Variants in FGF1 observed in about 807,000 individuals in gnomAD.
FGF1 encodes the protein beta-endothelial cell growth factor.
A neutral mutation model predicts 13.4 loss-of-function variants in FGF1; 9 were observed. The observed-to-expected ratio is 0.67, with a 90% CI of 0.40 to 1.17. The LOEUF is 1.17. Ranked by LOEUF, FGF1 falls within the 50% of genes most tolerant of loss-of-function variation. FGF1 has a pLI of 0.01. For synonymous variants in FGF1, 93 were observed against 79.0 expected, an observed-to-expected ratio of 1.18 and a Z score of -0.94; for missense variants, 156 against 192.7, an observed-to-expected ratio of 0.81 and a Z score of 1.13.
At chr5:142,621,638 T>G (rs1411228984) in intron 1 of FGF1, among the ~76,000 whole-genome samples, 1 of 152,114 alleles carries the variant, frequency 6.6e-6, no homozygotes, top group Non-Finnish European at 1.5e-5. Flanking sequence ...GTAATTCCCA[T>G]CTATATCCCC....
intron 2 of FGF1, among the ~76,000 whole-genome samples, chr5:142,605,790 G>A (rs138264820): frequency 1.3e-5 from 2 of 152,322 alleles, no homozygotes; most frequent in East Asian, 1.9e-4. Flanking sequence ...TGGCAGGAAG[G>A]AGCAACACCC....
chr5:142,600,323 C>T (rs939052414), intron 3 of FGF1, among the ~76,000 whole-genome samples: 2 of 152,132 alleles, frequency 1.3e-5, no homozygotes, highest in African/African-American at 4.8e-5. Context: ...GATTGTGCCA[C>T]TGCACTCCAG....
chr5:142,660,392 C>T (rs1000999679), intron 1 of FGF1, among the ~76,000 whole-genome samples: 3 of 152,210 alleles, frequency 2.0e-5, no homozygotes, highest in Admixed American at 2.0e-4. Context: ...CAAGTTGGGG[C>T]CGCTGGTCTC....
At position 142,614,043 on chromosome 5, in the gene FGF1, G is replaced by T. The variant is rs1004435823; in HGVS notation, c.85C>A (p.Leu29Ile). The change falls in exon 2 of 4, where the codon CTC (leucine) becomes ATC (isoleucine). Residue 29 changes from leucine (L) to isoleucine (I), a missense_variant. Coordinates refer to ENST00000337706, the MANE Select transcript of FGF1 (RefSeq NM_000800.5). Reference protein sequence around the residue: ...PPGNYKKPKLLYCSNGGHFLR... With the variant: ...PPGNYKKPKLIYCSNGGHFLR... ...AAGTGGCCCCCGTTGCTACAGTAGA[G>T]GAGTTTGGGCTTCTTGTAATTCCCT... is the stretch of plus-strand genomic sequence containing the variant. 1.9e-6 allele frequency: 3 copies of T among 1,614,034 alleles called. No individual in the cohort carries two copies. The African/African-American group carries it at 4.0e-5, about 22-fold the overall frequency.
At chr5:142,669,498 A>G (rs1375607620) in intron 1 of FGF1, among the ~76,000 whole-genome samples, 1 of 152,098 alleles carries the variant, frequency 6.6e-6, no homozygotes, top group Non-Finnish European at 1.5e-5. Context: ...AGATGGCTCC[A>G]AAGACACTCC....
At chr5:142,643,908 G>A (rs998225921) in intron 1 of FGF1, among the ~76,000 whole-genome samples, 2 of 152,184 alleles carry the variant, frequency 1.3e-5, no homozygotes, top group African/African-American at 4.8e-5. Context: ...ATGCATGTAA[G>A]CTCATGTTAG....
intron 1 of FGF1, among the ~76,000 whole-genome samples, chr5:142,656,803 A>G (rs985999443): frequency 1.6e-4 from 25 of 152,324 alleles, no homozygotes; most frequent in African/African-American, 5.8e-4. Context: ...TCATATATCT[A>G]TGTGTAGACA....
chr5:142,592,653 G>A lies in FGF1; in HGVS notation c.*2637C>T. The A allele has an allele frequency of 2.6e-6, 1 of 390,890 alleles. No homozygotes were observed. The highest frequency in any genetic ancestry group is 4.5e-6 in the Non-Finnish European group (1 of 221,520). 24.2% of individuals were successfully genotyped at this position (390,890 alleles called of 1,614,324 possible). ...TAGAGCATGTTCAAAACAGAGCAGG[G>A]AACTACCAACCTCTTCCTTCTAAGA... On this transcript the variant is annotated 3_prime_UTR_variant, in exon 4 of 4. Transcript: ENST00000337706.
At chr5:142,601,979 C>T (rs1304402362) in intron 2 of FGF1, among the ~76,000 whole-genome samples, 1 of 152,120 alleles carries the variant, frequency 6.6e-6, no homozygotes, top group Admixed American at 6.5e-5. Context: ...GTCACTAGAC[C>T]GTCACAACCA....
chr5:142,671,100 C>G (rs1231678385), intron 1 of FGF1, among the ~76,000 whole-genome samples: 1 of 152,232 alleles, frequency 6.6e-6, no homozygotes, highest in Non-Finnish European at 1.5e-5. Flanking sequence ...AACCATCTAT[C>G]ATCTTCTTTT....
At chr5:142,640,876 C>T (rs1017779321) in intron 1 of FGF1, among the ~76,000 whole-genome samples, 5 of 151,936 alleles carry the variant, frequency 3.3e-5, no homozygotes, top group Non-Finnish European at 4.4e-5. Context: ...ATCTTCAACT[C>T]CTCGAAGGCA....
At chr5:142,663,641 G>A (rs1043640429) in intron 1 of FGF1, among the ~76,000 whole-genome samples, 4 of 152,224 alleles carry the variant, frequency 2.6e-5, no homozygotes, top group African/African-American at 9.6e-5. Context: ...CACAGCGGAG[G>A]AGGGAGGTCT....
intron 1 of FGF1, among the ~76,000 whole-genome samples, chr5:142,678,156 AC>A (rs1337727063): frequency 1.3e-5 from 2 of 151,800 alleles, no homozygotes; most frequent in African/African-American, 2.4e-5. Context: ...GATGGATCTT[AC>A]CCCCCAAGAG....
At chr5:142,673,276 T>C (rs1771852909) in intron 1 of FGF1, among the ~76,000 whole-genome samples, 1 of 152,328 alleles carries the variant, frequency 6.6e-6, no homozygotes, top group South Asian at 2.1e-4. Context: ...CTTTTATTCT[T>C]AGTTGATCCA....
At chr5:142,647,109 C>T (rs535002451) in intron 1 of FGF1, among the ~76,000 whole-genome samples, 4 of 152,286 alleles carry the variant, frequency 2.6e-5, no homozygotes, top group African/African-American at 9.6e-5. Flanking sequence ...TATGCAACCT[C>T]CAAATAAGCC....
At chr5:142,613,429 C>T (rs1364856317) in intron 2 of FGF1, among the ~76,000 whole-genome samples, 1 of 152,256 alleles carries the variant, frequency 6.6e-6, no homozygotes, top group East Asian at 1.9e-4. Flanking sequence ...GTTACCACAG[C>T]CACATCTGCG....
At chr5:142,674,197 CATCTT>C (rs1345873038) in intron 1 of FGF1, among the ~76,000 whole-genome samples, 2 of 152,196 alleles carry the variant, frequency 1.3e-5, no homozygotes, top group African/African-American at 2.4e-5. Flanking sequence ...TTGGAGAAGA[CATCTT>C]ATCACAATCC....
chr5:142,674,585 A>T (rs989849669), intron 1 of FGF1, among the ~76,000 whole-genome samples: 2 of 152,174 alleles, frequency 1.3e-5, no homozygotes, highest in Non-Finnish European at 2.9e-5. Context: ...GAGCCAGCCA[A>T]CGCAGGTCCA....
intron 1 of FGF1, among the ~76,000 whole-genome samples, chr5:142,629,178 C>T (rs1435578156): frequency 1.3e-5 from 2 of 152,124 alleles, no homozygotes; most frequent in Non-Finnish European, 2.9e-5. Flanking sequence ...CTGTGTGTAA[C>T]AGGTTCTTGC....
Sources: allele counts gnomAD v4.1 joint callset (sites outside exome capture counted in the v4.1 genomes callset), GRCh38; gene constraint gnomAD v4.1.1; transcripts MANE v1.5; gene names NCBI Gene and HGNC (gene_info 2026-07-23, HGNC 2026-07-21).